Variants in SH3D19 observed in about 807,000 individuals in gnomAD.
The protein encoded by SH3D19 is SH3 domain containing 19.
In SH3D19, 58 loss-of-function variants were observed where a neutral mutation model predicts 112.1. That is an observed-to-expected ratio of 0.52 (90% CI 0.42 to 0.64). The LOEUF (loss-of-function observed/expected upper bound fraction) is 0.64. Among genes scored for constraint, SH3D19 ranks in the 30% least tolerant of loss-of-function variants. SH3D19 has a pLI of 0.00. For synonymous variants in SH3D19, 391 were observed against 448.5 expected, an observed-to-expected ratio of 0.87 and a Z score of 1.62; for missense variants, 1,090 against 1,263.4, an observed-to-expected ratio of 0.86 and a Z score of 2.08.
intron 2 of SH3D19, among the ~76,000 whole-genome samples, chr4:151,205,938 C>A (rs1259503741): frequency 6.6e-6 from 1 of 152,156 alleles, no homozygotes; most frequent in Non-Finnish European, 1.5e-5. Context: ...CTAGGCAGGG[C>A]CAGAGTTCTT....
At chr4:151,222,667 CTTTTTTTTTTTT>C (rs1554057762) in intron 2 of SH3D19, among the ~76,000 whole-genome samples, 4 of 87,240 alleles carry the variant, frequency 4.6e-5, no homozygotes, top group African/African-American at 1.3e-4. Context: ...CTCTCTCTCT[CTTTTTTTTTTTT>C]TTTTTTTTTT....
At chr4:151,282,013 T>A (rs1774283178) in intron 1 of SH3D19, 1 of 843,214 alleles carries the variant, frequency 1.2e-6, no homozygotes, top group Non-Finnish European at 1.9e-6. Flanking sequence ...TCAACCCTAG[T>A]TGAAGTTGGA....
rs543402242 is a variant in SH3D19, at chr4:151,257,079, ATTTG to A, written c.113-30997_113-30994del. On this transcript the variant is annotated intron_variant, in intron 1 of 19. Transcript: ENST00000604030. ...TTCTTTTCTTCTTATTTATTTATTT[ATTTG>A]TTTGTTTGTTTATTTATTTTTTGAG... Among the ~76,000 whole-genome samples the A allele has an allele frequency of 8.1e-4, 114 of 141,262 alleles. 1 individual carries two copies. Among genetic ancestry groups the A allele is most frequent in the South Asian group, 5.6e-3 (26 of 4,614 alleles). The allele number at this position is 141,262 out of a possible 152,430, so 92.7% of individuals were successfully genotyped here.
intron 12 of SH3D19, 106 bp downstream of exon 12, chr4:151,143,804 T>C (rs1269826215): frequency 4.6e-6 from 6 of 1,296,646 alleles, no homozygotes; most frequent in Non-Finnish European, 6.4e-6. Flanking sequence ...TTACTCTGGT[T>C]AAAATAAATG....
At chr4:151,286,047 TCAGC>T (rs1408011602) in intron 1 of SH3D19, among the ~76,000 whole-genome samples, 2 of 137,432 alleles carry the variant, frequency 1.5e-5, no homozygotes, top group Admixed American at 7.3e-5. Context: ...AAAAAAAAAA[TCAGC>T]CAGGCATGGT....
Position 151,122,050 on chromosome 4 carries a change from A to C in SH3D19, c.*41T>G, listed in dbSNP as rs921730704. The stretch of plus-strand genomic sequence containing the variant: ...TATCTGATAGTCAAGGTGATAGTTC[A>C]AGTGAGTTCTTGTGCCAAGGAACAC... On this transcript the variant is annotated 3_prime_UTR_variant, in exon 20 of 20. Transcript: ENST00000604030. 6 of 986,036 alleles carry C rather than the reference A, an allele frequency of 6.1e-6. No homozygotes were observed. The highest frequency in any genetic ancestry group is 9.6e-6 in the Non-Finnish European group (6 of 623,278). 61.1% of individuals were successfully genotyped at this position (986,036 alleles called of 1,614,324 possible). A position where few individuals can be genotyped will look rare whatever the true frequency, so the allele number is the denominator to read the frequency against.
At chr4:151,249,874 A>T (rs1771225486) in intron 1 of SH3D19, among the ~76,000 whole-genome samples, 1 of 152,232 alleles carries the variant, frequency 6.6e-6, no homozygotes, top group Admixed American at 6.5e-5. Context: ...CGTAAAAAAG[A>T]ATAAAATATA....
chr4:151,143,823 A>G, intron 12 of SH3D19, 87 bp downstream of exon 12: 1 of 1,424,052 alleles, frequency 7.0e-7, no homozygotes. Context: ...TGTGCTAATA[A>G]AAACCTGAAG....
intron 2 of SH3D19, among the ~76,000 whole-genome samples, chr4:151,215,987 T>C (rs1056879279): frequency 5.9e-5 from 9 of 152,074 alleles, no homozygotes; most frequent in African/African-American, 1.9e-4. Flanking sequence ...CATGCCACCA[T>C]GCCCGGCTAA....
Position 151,127,673 on chromosome 4 carries a change from T to C in SH3D19, c.2972A>G (p.Lys991Arg). 6.2e-7 allele frequency: 1 copy of C among 1,605,750 alleles called. No homozygotes were observed. The highest frequency in any genetic ancestry group is 1.1e-5 in the South Asian group (1 of 89,216). ...SMLAIVPKGR[K>R]AKALYDFRGE... ...TCGGAAATCATATAAGGCTTTGGCC[T>C]TCCTCCCCTTCGGTACTATGGCCAA... is the stretch of plus-strand genomic sequence containing the variant. Residue 991 changes from lysine to arginine, a missense_variant, in exon 19 of 20, where the codon AAG becomes AGG. By Grantham distance (26) the Lys-to-Arg change is conservative (BLOSUM62 2). Transcript: ENST00000604030.
chr4:151,219,226 C>T (rs1767637580), intron 2 of SH3D19, among the ~76,000 whole-genome samples: 1 of 152,158 alleles, frequency 6.6e-6, no homozygotes, highest in African/African-American at 2.4e-5. Context: ...AATCCCCTGC[C>T]ATCCTCTTGG....
chr4:151,278,996 CCTGT>C (rs1322797124), intron 1 of SH3D19: 1 of 257,928 alleles, frequency 3.9e-6, no homozygotes, highest in Non-Finnish European at 7.7e-6. Context: ...TCACTGAGAA[CCTGT>C]CTGTGTGCTA....
chr4:151,254,363 T>C (rs1771647198), intron 1 of SH3D19, among the ~76,000 whole-genome samples: 1 of 151,176 alleles, frequency 6.6e-6, no homozygotes, highest in Non-Finnish European at 1.5e-5. Flanking sequence ...TGGGTGTTTC[T>C]CACAGAGGGG....
At chr4:151,191,175 G>A (rs188892230) in intron 2 of SH3D19, among the ~76,000 whole-genome samples, 2 of 152,314 alleles carry the variant, frequency 1.3e-5, no homozygotes, top group South Asian at 2.1e-4. Flanking sequence ...TTTACCCAAT[G>A]CCTGTACGCC....
chr4:151,153,466 C>T (rs1480574400), intron 9 of SH3D19, among the ~76,000 whole-genome samples: 3 of 151,844 alleles, frequency 2.0e-5, no homozygotes, highest in Admixed American at 6.6e-5. Flanking sequence ...AGGCTGGTCT[C>T]GAACTCCTGA....
intron 1 of SH3D19, among the ~76,000 whole-genome samples, chr4:151,255,516 G>A (rs1411196323): frequency 1.3e-5 from 2 of 151,278 alleles, no homozygotes; most frequent in African/African-American, 2.4e-5. Context: ...GATGGCGGCC[G>A]GGCGGAGACG....
intron 9 of SH3D19, among the ~76,000 whole-genome samples, chr4:151,155,472 A>T (rs140032707): frequency 2.7e-4 from 41 of 152,334 alleles, no homozygotes; most frequent in African/African-American, 9.4e-4. Context: ...TATAATAAGC[A>T]TAGTTAATGC....
At chr4:151,296,522 AT>A (rs1466536341) in intron 1 of SH3D19, among the ~76,000 whole-genome samples, 1 of 152,214 alleles carries the variant, frequency 6.6e-6, no homozygotes, top group Non-Finnish European at 1.5e-5. Flanking sequence ...CAATAAACAT[AT>A]GCATTCACAA....
intron 1 of SH3D19, among the ~76,000 whole-genome samples, chr4:151,259,964 C>T (rs1450400327): frequency 6.6e-6 from 1 of 152,200 alleles, no homozygotes; most frequent in African/African-American, 2.4e-5. Flanking sequence ...CACCTCATAC[C>T]ACTCTTCAGA....
Sources: allele counts gnomAD v4.1 joint callset (sites outside exome capture counted in the v4.1 genomes callset), GRCh38; gene constraint gnomAD v4.1.1; transcripts MANE v1.5; gene names NCBI Gene and HGNC (gene_info 2026-07-23, HGNC 2026-07-21).